Variants in FARP2 observed in about 807,000 individuals in gnomAD.
FARP2 encodes FERM, ARHGEF and pleckstrin domain-containing protein 2.
A neutral mutation model predicts 130.5 loss-of-function variants in FARP2; 111 were observed. That is an observed-to-expected ratio of 0.85 (90% CI 0.73 to 1.00). The LOEUF (loss-of-function observed/expected upper bound fraction) is 1.00, where lower values mean the gene tolerates loss of function less well. FARP2 is among the 50% of genes least tolerant of loss of function. FARP2 has a pLI of 0.00. For missense variants in FARP2, 1,385 were observed against 1,346.3 expected, an observed-to-expected ratio of 1.03 and a Z score of -0.45; for synonymous variants, 504 against 516.9, an observed-to-expected ratio of 0.98 and a Z score of 0.34.
chr2:241,491,745 C>T, intron 24 of FARP2, 66 bp downstream of exon 24: 1 of 1,486,096 alleles, frequency 6.7e-7, no homozygotes, highest in Non-Finnish European at 9.0e-7. Flanking sequence ...CACTTGGCTG[C>T]TGAGGAGGGG....
chr2:241,419,237 G>T (rs1392958751), intron 8 of FARP2, among the ~76,000 whole-genome samples: 1 of 152,076 alleles, frequency 6.6e-6, no homozygotes, highest in East Asian at 1.9e-4. Flanking sequence ...AATGTGATTA[G>T]AGAGCAATAA....
At chr2:241,468,094 C>A in intron 17 of FARP2, 46 bp from the exon 18 acceptor site, 1 of 1,267,040 alleles carries the variant, frequency 7.9e-7, no homozygotes, top group Non-Finnish European at 1.2e-6. Flanking sequence ...TCCCCCTGGA[C>A]TCCTACATCT....
intron 20 of FARP2, chr2:241,483,811 T>C (rs1483669012): frequency 5.1e-6 from 5 of 985,292 alleles, no homozygotes; most frequent in African/African-American, 3.5e-5. Flanking sequence ...AGCCAAAAGA[T>C]TGTAAAGTCC....
At chr2:241,369,833 C>T (rs2061387497) in intron 1 of FARP2, among the ~76,000 whole-genome samples, 1 of 152,096 alleles carries the variant, frequency 6.6e-6, no homozygotes, top group Non-Finnish European at 1.5e-5. Flanking sequence ...GTGAGCTGAC[C>T]AAGAACATAT....
At chr2:241,474,972 C>T (rs982095959) in intron 18 of FARP2, among the ~76,000 whole-genome samples, 1 of 152,142 alleles carries the variant, frequency 6.6e-6, no homozygotes. Context: ...GGCCTCAGAG[C>T]TGGGCAGACC....
intron 14 of FARP2, 106 bp downstream of exon 14, chr2:241,457,028 G>A (rs2063863941): frequency 9.6e-7 from 1 of 1,041,812 alleles, no homozygotes; most frequent in East Asian, 2.9e-5. Flanking sequence ...GGCAGGGAAG[G>A]GCTCTGCACT....
At chr2:241,492,523 G>C (rs2064957612) in intron 24 of FARP2, among the ~76,000 whole-genome samples, 2 of 152,238 alleles carry the variant, frequency 1.3e-5, no homozygotes, top group South Asian at 4.1e-4. Flanking sequence ...CACATGCTTA[G>C]GGACAGGGCT....
chr2:241,440,555 G>T (rs1170424425), intron 12 of FARP2, among the ~76,000 whole-genome samples: 1 of 152,074 alleles, frequency 6.6e-6, no homozygotes, highest in Non-Finnish European at 1.5e-5. Flanking sequence ...CAGGTCTCTT[G>T]TGCCACTCCC....
chr2:241,434,565 A>G (rs2063170931), intron 10 of FARP2, among the ~76,000 whole-genome samples: 1 of 152,236 alleles, frequency 6.6e-6, no homozygotes, highest in South Asian at 2.1e-4. Context: ...TAAAATATGT[A>G]TGTGGGCCGA....
intron 23 of FARP2, 139 bp from the exon 24 acceptor site, chr2:241,491,377 T>C: frequency 7.2e-6 from 7 of 967,142 alleles, no homozygotes; most frequent in Non-Finnish European, 1.1e-5. Context: ...CCTGTAGTTT[T>C]GCTCTCAGCC....
chr2:241,393,170 C>T (rs1375454255), intron 2 of FARP2, among the ~76,000 whole-genome samples: 1 of 151,826 alleles, frequency 6.6e-6, no homozygotes, highest in Non-Finnish European at 1.5e-5. Flanking sequence ...CAGGCACCTG[C>T]CACCACACCC....
chr2:241,464,815 C>T (rs2064126920), intron 17 of FARP2, among the ~76,000 whole-genome samples: 1 of 152,106 alleles, frequency 6.6e-6, no homozygotes, highest in South Asian at 2.1e-4. Context: ...CAGGATCCTA[C>T]TCTGGATGGG....
chr2:241,462,344 A>G (rs1294246263), intron 14 of FARP2, among the ~76,000 whole-genome samples, 179 bp from the exon 15 acceptor site: 1 of 152,236 alleles, frequency 6.6e-6, no homozygotes, highest in Non-Finnish European at 1.5e-5. Flanking sequence ...TTTTTTCCAA[A>G]AGAATAACAG....
At chr2:241,421,419 A>G (rs1445615728) in intron 8 of FARP2, among the ~76,000 whole-genome samples, 2 of 152,240 alleles carry the variant, frequency 1.3e-5, no homozygotes, top group Non-Finnish European at 2.9e-5. Flanking sequence ...TCACAAGTTA[A>G]GACCCACTGG....
chr2:241,475,849 C>T lies in FARP2; in HGVS notation c.2132-8C>T, dbSNP rs1157765436. The stretch of plus-strand genomic sequence containing the variant: ...TGTACACCTGTACTGAGGGGTCTCT[C>T]CACACAGACGCCCTGAAAGCCATCA... On this transcript the variant is annotated splice_polypyrimidine_tract_variant and splice_region_variant and intron_variant, in intron 18 of 26. Coordinates refer to ENST00000264042, the MANE Select transcript of FARP2 (RefSeq NM_014808.4). This position sits in a 1 kb window ranked among gnomAD's most constrained non-coding sequence, Gnocchi z 4.4. 6.2e-7 allele frequency: 1 copy of T among 1,609,620 alleles called. No individual in the cohort carries two copies. Among genetic ancestry groups the T allele is most frequent in the African/African-American group, 1.3e-5 (1 of 74,890 alleles).
At chr2:241,362,470 C>T (rs968629431) in intron 1 of FARP2, among the ~76,000 whole-genome samples, 4 of 151,922 alleles carry the variant, frequency 2.6e-5, no homozygotes, top group African/African-American at 4.8e-5. Flanking sequence ...GGCATGGTGG[C>T]GGGCGCCTGT....
At chr2:241,408,704 G>A (rs1235408674) in intron 5 of FARP2, among the ~76,000 whole-genome samples, 1 of 152,104 alleles carries the variant, frequency 6.6e-6, no homozygotes, top group African/African-American at 2.4e-5. Flanking sequence ...AGATATAAAA[G>A]AGAACTATGA....
chr2:241,404,361 G>T (rs1464350625), intron 3 of FARP2, among the ~76,000 whole-genome samples: 1 of 152,206 alleles, frequency 6.6e-6, no homozygotes, highest in African/African-American at 2.4e-5. Flanking sequence ...ATTAAGTTCT[G>T]TCCAGCCTTT....
chr2:241,435,543 G>T (rs1229670251), intron 11 of FARP2, among the ~76,000 whole-genome samples: 2 of 141,424 alleles, frequency 1.4e-5, no homozygotes, highest in African/African-American at 5.3e-5. Flanking sequence ...ACGGAGTCTC[G>T]CTCTGTCGCC....
Sources: gnomAD v4.1 joint callset for allele counts (sites outside exome capture counted in the v4.1 genomes callset) on GRCh38, gnomAD v4.1.1 for gene constraint, Gnocchi (gnomAD v3.1) non-coding constraint, MANE v1.5 for transcripts, NCBI Gene and HGNC (gene_info 2026-07-23, HGNC 2026-07-21) for gene names.